TINAG: variants seen among roughly 807,000 people sequenced by gnomAD.
The protein encoded by TINAG is tubulointerstitial nephritis antigen.
TINAG carries 83 observed loss-of-function variants against 72.7 expected under a neutral mutation model. That is an observed-to-expected ratio of 1.14 (90% CI 0.96 to 1.37). TINAG has a LOEUF of 1.37. TINAG is among the 40% of genes most tolerant of loss of function. The pLI, the probability that TINAG is intolerant of heterozygous loss-of-function variation, is 0.00. For missense variants in TINAG, 685 were observed against 576.6 expected (o/e 1.19, Z -1.93); for synonymous variants, 234 against 189.9 (o/e 1.23, Z -1.91).
upstream of TINAG, chr6:54,308,063 C>T (rs761847163): frequency 1.4e-5 from 22 of 1,549,816 alleles, no homozygotes; most frequent in Non-Finnish European, 1.8e-5. Context: ...AGCAGGCAAC[C>T]TCATGAGAGC....
chr6:54,330,437 C>T (rs979274004), intron 4 of TINAG, among the ~76,000 whole-genome samples: 2 of 152,162 alleles, frequency 1.3e-5, no homozygotes, highest in African/African-American at 4.8e-5. Flanking sequence ...ACCAGAATCT[C>T]TGGGACACAG....
Position 54,308,625 on chromosome 6 carries a change from T to C in TINAG, c.75T>C (p.Ser25=), listed in dbSNP as rs1285767736. Residue 25 remains serine (S), a synonymous_variant, in exon 1 of 11, where the codon TCT becomes TCC. Transcript: ENST00000259782. ...TEIWMEKQYL[S]QREVDLEAYF... is the part of the protein sequence containing the mutation. ...TCTGGATGGAGAAGCAGTATTTATCTCAAAGAGAAGTGGACCTAGAGGCTT... is the reference window on the plus strand; with the variant it reads ...TCTGGATGGAGAAGCAGTATTTATCCCAAAGAGAAGTGGACCTAGAGGCTT... 1 of 1,613,644 alleles carries C rather than the reference T, an allele frequency of 6.2e-7. No homozygotes were observed. Among genetic ancestry groups the C allele is most frequent in the African/African-American group, 1.3e-5 (1 of 74,872 alleles).
At position 54,308,846 on chromosome 6, in the gene TINAG, A is replaced by G. The variant is rs772317212; in HGVS notation, c.296A>G (p.Lys99Arg). The G allele has an allele frequency of 3.1e-6, 5 of 1,613,606 alleles. No homozygotes were observed. The East Asian group carries it at 8.9e-5, about 29-fold the overall frequency. The change falls in exon 1 of 11, where the codon AAG (lysine) becomes AGG (arginine). Residue 99 changes from lysine (K) to arginine (R), a missense_variant. Coordinates refer to ENST00000259782, the MANE Select transcript of TINAG (RefSeq NM_014464.4). Reference protein sequence around the residue: ...RENSDCCPDYKSFCREEKEWP... With the variant: ...RENSDCCPDYRSFCREEKEWP... ...AATTCTGATTGCTGTCCTGACTACA[A>G]GTCCTTTTGCCGTGAAGAGAAAGAA...
At chr6:54,327,584 C>T (rs1353985724) in intron 4 of TINAG, among the ~76,000 whole-genome samples, 1 of 152,046 alleles carries the variant, frequency 6.6e-6, no homozygotes, top group Middle Eastern at 3.2e-3. Flanking sequence ...CCAGTAGTGC[C>T]TGGAATGCCA....
intron 9 of TINAG, among the ~76,000 whole-genome samples, chr6:54,374,932 T>G (rs1763736936): frequency 6.6e-6 from 1 of 152,094 alleles, no homozygotes; most frequent in South Asian, 2.1e-4. Flanking sequence ...GGATCTATAT[T>G]CACTAATACA....
chr6:54,364,068 TGTG>T (rs1465015409), intron 9 of TINAG, among the ~76,000 whole-genome samples: 1 of 151,474 alleles, frequency 6.6e-6, no homozygotes, highest in East Asian at 1.9e-4. Context: ...AGAAAAAAGA[TGTG>T]GTGGGAGGAG....
intron 10 of TINAG, among the ~76,000 whole-genome samples, chr6:54,386,055 C>T (rs1344741937): frequency 6.6e-6 from 1 of 151,742 alleles, no homozygotes; most frequent in African/African-American, 2.4e-5. Flanking sequence ...CCACACCTGG[C>T]TAATATTCGT....
intron 10 of TINAG, among the ~76,000 whole-genome samples, chr6:54,383,195 T>G (rs1375203185): frequency 6.6e-6 from 1 of 152,104 alleles, no homozygotes; most frequent in African/African-American, 2.4e-5. Flanking sequence ...TAGAATATTT[T>G]TGGGAGAAGT....
At chr6:54,310,034 C>T (rs926809134) in intron 1 of TINAG, among the ~76,000 whole-genome samples, 1 of 150,834 alleles carries the variant, frequency 6.6e-6, no homozygotes, top group African/African-American at 2.4e-5. Flanking sequence ...CCCTCCACAC[C>T]TCCATCCTTC....
chr6:54,358,867 T>C lies in TINAG; in HGVS notation c.1250+4231T>C, dbSNP rs571864749. On this transcript the variant is annotated intron_variant, in intron 9 of 10. Transcript: ENST00000259782. ...CTCCAGTGGGTAGTACGGGAAGGGA[T>C]TGACATCTGATCGCATTAGCTTGCA... Among the ~76,000 whole-genome samples the C allele has an allele frequency of 1.5e-3, 230 of 151,948 alleles. 2 individuals are homozygous for C. The highest frequency in any genetic ancestry group is 4.9e-3 in the African/African-American group (204 of 41,508).
At chr6:54,323,941 G>C (rs1784548785) in intron 3 of TINAG, among the ~76,000 whole-genome samples, 1 of 152,136 alleles carries the variant, frequency 6.6e-6, no homozygotes, top group Admixed American at 6.5e-5. Context: ...GCCACAGAGT[G>C]AGATTCTGTC....
intron 9 of TINAG, among the ~76,000 whole-genome samples, chr6:54,376,272 C>G (rs1763774683): frequency 6.6e-6 from 1 of 151,888 alleles, no homozygotes; most frequent in Non-Finnish European, 1.5e-5. Context: ...TTTTTCATTC[C>G]TCAATATCAG....
At chr6:54,327,117 C>A in intron 4 of TINAG, 2 of 1,549,232 alleles carry the variant, frequency 1.3e-6, no homozygotes, top group Non-Finnish European at 1.7e-6. Context: ...TTTACTGTTA[C>A]CAATTAGACA....
chr6:54,324,434 C>T (rs951976167), intron 3 of TINAG, among the ~76,000 whole-genome samples: 3 of 152,154 alleles, frequency 2.0e-5, no homozygotes, highest in Non-Finnish European at 4.4e-5. Context: ...TTGCCCCAGT[C>T]CTCCCTTAAA....
intron 4 of TINAG, among the ~76,000 whole-genome samples, chr6:54,327,901 C>A (rs1784645661): frequency 6.6e-6 from 1 of 152,158 alleles, no homozygotes; most frequent in African/African-American, 2.4e-5. Flanking sequence ...CCACTGTAGC[C>A]AGGCTGCCTC....
At chr6:54,332,449 C>A (rs1784763504) in intron 4 of TINAG, among the ~76,000 whole-genome samples, 3 of 152,128 alleles carry the variant, frequency 2.0e-5, no homozygotes, top group Non-Finnish European at 4.4e-5. Flanking sequence ...CTTACTTACA[C>A]CTTATACAAA....
intron 1 of TINAG, among the ~76,000 whole-genome samples, chr6:54,312,007 T>C (rs1784270297): frequency 6.6e-6 from 1 of 152,158 alleles, no homozygotes; most frequent in Non-Finnish European, 1.5e-5. Flanking sequence ...GGCCTTATAA[T>C]ACTCTTGTTT....
intron 9 of TINAG, among the ~76,000 whole-genome samples, chr6:54,367,879 C>A (rs976253462): frequency 1.3e-5 from 2 of 151,678 alleles, no homozygotes; most frequent in Non-Finnish European, 3.0e-5. Context: ...GAAGGGCCTG[C>A]TTTCTTGTTC....
chr6:54,355,023 A>G (rs1415539639), intron 9 of TINAG, among the ~76,000 whole-genome samples: 1 of 151,954 alleles, frequency 6.6e-6, no homozygotes, highest in Non-Finnish European at 1.5e-5. Flanking sequence ...CAGGAAGAGA[A>G]GGTCACCTAT....
Sources: gnomAD v4.1 joint callset for allele counts (sites outside exome capture counted in the v4.1 genomes callset) on GRCh38, gnomAD v4.1.1 for gene constraint, MANE v1.5 for transcripts, NCBI Gene and HGNC (gene_info 2026-07-23, HGNC 2026-07-21) for gene names.